The following STRN variants were observed in gnomAD, a reference collection of about 807,000 sequenced individuals.
STRN encodes the protein striatin.
Under a neutral mutation model 96.3 loss-of-function variants are expected in STRN, and 53 were observed. The observed-to-expected ratio is 0.55, with a 90% CI of 0.44 to 0.69. The LOEUF (loss-of-function observed/expected upper bound fraction) is 0.69, where lower values mean the gene tolerates loss of function less well. STRN is among the 30% of genes least tolerant of loss of function. STRN has a pLI of 0.00. For missense variants in STRN, 987 were observed against 963.9 expected (o/e 1.02, Z -0.32); for synonymous variants, 428 against 355.9 (o/e 1.20, Z -2.28).
rs966248735 is a variant in STRN, at chr2:36,837,772, G to A, written c.*11684C>T. 6.6e-6 allele frequency among the ~76,000 whole-genome samples: 1 copy of A among 151,960 alleles called. No homozygotes were observed. The highest frequency in any genetic ancestry group is 1.5e-5 in the Non-Finnish European group (1 of 67,996). ...GTCAACAGACAACTTACAAGAGTTGGAAAAAAATGTTTGCATCCAAGATAA... is the reference window on the plus strand; with the variant it reads ...GTCAACAGACAACTTACAAGAGTTGAAAAAAAATGTTTGCATCCAAGATAA... On this transcript the variant is annotated 3_prime_UTR_variant, in exon 18 of 18. Transcript: ENST00000263918.
chr2:36,964,946 C>T (rs951747686), intron 1 of STRN, among the ~76,000 whole-genome samples: 4 of 152,106 alleles, frequency 2.6e-5, no homozygotes, highest in Non-Finnish European at 4.4e-5. Flanking sequence ...AAACTGAAAC[C>T]CAGAGAGGTT....
At chr2:36,924,125 G>C (rs1224201007) in intron 2 of STRN, among the ~76,000 whole-genome samples, 5 of 152,138 alleles carry the variant, frequency 3.3e-5, no homozygotes, top group African/African-American at 1.2e-4. Flanking sequence ...GGGAGGCCGA[G>C]ACGGGGGGAT....
chr2:36,887,385 G>A (rs1003596241), intron 7 of STRN, among the ~76,000 whole-genome samples: 4 of 151,766 alleles, frequency 2.6e-5, no homozygotes, highest in East Asian at 1.9e-4. Flanking sequence ...CAGAAGACTC[G>A]CCTGAACCCG....
chr2:36,904,262 C>A (rs1249504300), intron 4 of STRN, among the ~76,000 whole-genome samples: 24 of 152,074 alleles, frequency 1.6e-4, no homozygotes, highest in Admixed American at 1.3e-3. Context: ...AATACATATG[C>A]AAAGACATTT....
intron 1 of STRN, among the ~76,000 whole-genome samples, chr2:36,963,137 A>T (rs1351301426): frequency 6.6e-6 from 1 of 152,214 alleles, no homozygotes; most frequent in Non-Finnish European, 1.5e-5. Context: ...ATAAGTGACA[A>T]ATAAATAGGT....
At chr2:36,952,730 A>C (rs1664790448) in intron 1 of STRN, among the ~76,000 whole-genome samples, 1 of 152,210 alleles carries the variant, frequency 6.6e-6, no homozygotes, top group Non-Finnish European at 1.5e-5. Context: ...CAAAAGATAA[A>C]GTACTGGGTT....
At chr2:36,887,832 A>T (rs2540918) in intron 7 of STRN, among the ~76,000 whole-genome samples, 3 of 152,108 alleles carry the variant, frequency 2.0e-5, no homozygotes, top group Non-Finnish European at 1.5e-5. Context: ...AAAATTTAAA[A>T]ACTATGTTAT....
chr2:36,961,842 T>C (rs1665036753), intron 1 of STRN, among the ~76,000 whole-genome samples: 1 of 152,198 alleles, frequency 6.6e-6, no homozygotes, highest in Non-Finnish European at 1.5e-5. Context: ...TCTTCCATTC[T>C]CTTCCTCTAC....
At chr2:36,943,348 G>C (rs187098787) in intron 1 of STRN, among the ~76,000 whole-genome samples, 109 of 150,688 alleles carry the variant, frequency 7.2e-4, no homozygotes, top group African/African-American at 2.4e-3. Context: ...CATCTATTTT[G>C]GTTATACAAT....
chr2:36,895,496 A>G (rs1669514914), intron 6 of STRN, among the ~76,000 whole-genome samples: 1 of 152,218 alleles, frequency 6.6e-6, no homozygotes, highest in South Asian at 2.1e-4. Flanking sequence ...AAACAAAAAA[A>G]GCAAGATCAG....
chr2:36,880,954 CAAT>C (rs1171057873), intron 9 of STRN, among the ~76,000 whole-genome samples: 2 of 151,984 alleles, frequency 1.3e-5, no homozygotes, highest in Non-Finnish European at 2.9e-5. Context: ...TGAGGCAGAG[CAAT>C]AATAAGCATC....
At chr2:36,892,249 T>A (rs1027588785) in intron 7 of STRN, among the ~76,000 whole-genome samples, 4 of 152,178 alleles carry the variant, frequency 2.6e-5, no homozygotes, top group African/African-American at 9.7e-5. Context: ...CAAAGACACC[T>A]GGGACTACTA....
At chr2:36,926,963 G>A (rs993848857) in intron 1 of STRN, among the ~76,000 whole-genome samples, 9 of 152,226 alleles carry the variant, frequency 5.9e-5, no homozygotes, top group African/African-American at 1.9e-4. Flanking sequence ...TATGCCAAAC[G>A]TGCTTTGGCA....
chr2:36,937,977 G>C (rs183669513), intron 1 of STRN, among the ~76,000 whole-genome samples: 3 of 152,194 alleles, frequency 2.0e-5, no homozygotes, highest in African/African-American at 4.8e-5. Flanking sequence ...AAAGCAAATA[G>C]GCTATGATCA....
At chr2:36,931,127 G>A (rs541751920) in intron 1 of STRN, among the ~76,000 whole-genome samples, 39 of 151,764 alleles carry the variant, frequency 2.6e-4, no homozygotes, top group Non-Finnish European at 3.8e-4. Flanking sequence ...GAGCTATCGC[G>A]TCCAGCCCCA....
At chr2:36,928,551 C>A (rs2148235812) in intron 1 of STRN, among the ~76,000 whole-genome samples, 1 of 151,744 alleles carries the variant, frequency 6.6e-6, no homozygotes, top group African/African-American at 2.4e-5. Context: ...ACTTGGAAGA[C>A]TGAGACAGAA....
chr2:36,952,055 G>GCACACACA (rs142923138), intron 1 of STRN, among the ~76,000 whole-genome samples: 5 of 151,392 alleles, frequency 3.3e-5, no homozygotes, highest in Admixed American at 2.6e-4. Context: ...ACACACGCAC[G>GCACACACA]CACACACACA....
At chr2:36,875,718 G>A (rs1490820469) in intron 10 of STRN, among the ~76,000 whole-genome samples, 2 of 149,688 alleles carry the variant, frequency 1.3e-5, no homozygotes, top group African/African-American at 4.9e-5. Context: ...GTGCGGTGGC[G>A]CAATCTCGGC....
At position 36,872,709 on chromosome 2, in the gene STRN, T is replaced by C. The variant is rs114840501; in HGVS notation, c.1324-2980A>G. ...AGCTTTATCTGGAGAGAGGACTAAG[T>C]TCCATTACATACTGGATAAACTCTT... On this transcript the variant is annotated intron_variant, in intron 10 of 17. Transcript: ENST00000263918. Among the ~76,000 whole-genome samples the C allele has an allele frequency of 3.6e-3, 548 of 152,244 alleles. 3 individuals carry two copies. Among genetic ancestry groups the C allele is most frequent in the Non-Finnish European group, 6.8e-3 (465 of 68,024 alleles).
Sources: allele counts gnomAD v4.1 joint callset (sites outside exome capture counted in the v4.1 genomes callset), GRCh38; gene constraint gnomAD v4.1.1; transcripts MANE v1.5; gene names NCBI Gene and HGNC (gene_info 2026-07-23, HGNC 2026-07-21).